Variants in PPA2 observed in about 807,000 individuals in gnomAD.
PPA2 encodes the protein inorganic pyrophosphatase 2, mitochondrial.
In PPA2, 48 loss-of-function variants were observed where a neutral mutation model predicts 49.5. The observed-to-expected ratio is 0.97, with a 90% CI of 0.77 to 1.23. The LOEUF (loss-of-function observed/expected upper bound fraction) is 1.23. PPA2 is among the 50% of genes most tolerant of loss of function. The probability of loss-of-function intolerance (pLI) is 0.00; values close to 1 mark genes in which losing one functional copy is unlikely to be tolerated. For missense variants in PPA2, 429 were observed against 410.1 expected, an observed-to-expected ratio of 1.05 and a Z score of -0.40; for synonymous variants, 131 against 139.9, an observed-to-expected ratio of 0.94 and a Z score of 0.45.
intron 8 of PPA2, among the ~76,000 whole-genome samples, chr4:105,397,288 C>A (rs73838082): frequency 0.014 from 2,091 of 152,178 alleles, 46 homozygotes; most frequent in African/African-American, 0.046. Flanking sequence ...CTCGGGTCTA[C>A]GATTGCCTGC....
At position 105,369,676 on chromosome 4, in the gene PPA2, G is replaced by GGGGAAAAA. The variant is rs1732945066; in HGVS notation, c.*48_*49insTTTTTCCC. ...ATAGACCCCCTTGTCTCTAGCACTTGGAGTCCTTAGAGATGGGAATCTTGA... is the reference window on the plus strand; with the variant it reads ...ATAGACCCCCTTGTCTCTAGCACTTGGGGAAAAAGAGTCCTTAGAGATGGGAATCTTGA... On this transcript the variant is annotated 3_prime_UTR_variant, in exon 12 of 12. Transcript: ENST00000341695. The GGGGAAAAA allele has an allele frequency of 1.3e-6, 2 of 1,524,940 alleles. No homozygotes were observed. The highest frequency in any genetic ancestry group is 1.8e-6 in the Non-Finnish European group (2 of 1,099,158). 94.5% of individuals were successfully genotyped at this position (1,524,940 alleles called of 1,614,324 possible).
chr4:105,381,203 ATGT>A (rs1733475436), intron 10 of PPA2, among the ~76,000 whole-genome samples: 1 of 152,066 alleles, frequency 6.6e-6, no homozygotes, highest in South Asian at 2.1e-4. Flanking sequence ...CCGTCTATTC[ATGT>A]TGTTTACACA....
intron 1 of PPA2, among the ~76,000 whole-genome samples, chr4:105,469,772 C>T (rs557378727): frequency 6.6e-6 from 1 of 152,234 alleles, no homozygotes; most frequent in South Asian, 2.1e-4. Context: ...CCATTGTGTT[C>T]CATTATATCA....
At chr4:105,374,297 C>A (rs573924597) in intron 10 of PPA2, among the ~76,000 whole-genome samples, 20 of 152,162 alleles carry the variant, frequency 1.3e-4, no homozygotes, top group African/African-American at 4.8e-4. Context: ...TGGTGGCTTA[C>A]GCCTGTAATC....
At chr4:105,449,927 A>T (rs1253910636) in intron 3 of PPA2, among the ~76,000 whole-genome samples, 1 of 152,234 alleles carries the variant, frequency 6.6e-6, no homozygotes, top group Non-Finnish European at 1.5e-5. Flanking sequence ...AAAATTCAGG[A>T]TGTAAGTACA....
intron 10 of PPA2, among the ~76,000 whole-genome samples, chr4:105,381,698 A>G (rs1733495926): frequency 6.6e-6 from 1 of 152,098 alleles, no homozygotes. Flanking sequence ...AATATGTCTT[A>G]TGCCTGTAGT....
At chr4:105,442,365 T>C (rs1275097541) in intron 5 of PPA2, among the ~76,000 whole-genome samples, 1 of 152,188 alleles carries the variant, frequency 6.6e-6, no homozygotes, top group Non-Finnish European at 1.5e-5. Context: ...CAAACAGGCC[T>C]AGAGAGATTT....
At position 105,436,019 on chromosome 4, in the gene PPA2, C is replaced by G. The variant is rs566216842; in HGVS notation, c.528+1931G>C. Among the ~76,000 whole-genome samples the G allele has an allele frequency of 2.6e-5, 4 of 152,174 alleles. No individual in the cohort carries two copies. In the South Asian group the frequency reaches 8.3e-4, roughly 32 times the overall value. On this transcript the variant is annotated intron_variant, in intron 6 of 11. Transcript: ENST00000341695. ...ATTGGAAAAGAGGAAGTCAAATGATCTCTGTTCACTAATGACATGATAGTG... is the reference window on the plus strand; with the variant it reads ...ATTGGAAAAGAGGAAGTCAAATGATGTCTGTTCACTAATGACATGATAGTG...
chr4:105,382,818 G>A (rs1011038522), intron 10 of PPA2, among the ~76,000 whole-genome samples: 10 of 151,956 alleles, frequency 6.6e-5, no homozygotes, highest in African/African-American at 2.2e-4. Context: ...GGGCAATATA[G>A]CAAAACTCCC....
chr4:105,424,850 T>C (rs1723421073), intron 6 of PPA2, among the ~76,000 whole-genome samples: 1 of 152,160 alleles, frequency 6.6e-6, no homozygotes, highest in African/African-American at 2.4e-5. Context: ...TACATAGGGG[T>C]TCCTTTGAGA....
chr4:105,461,235 C>T (rs77321794), intron 1 of PPA2, among the ~76,000 whole-genome samples: 2,737 of 152,278 alleles, frequency 0.018, 68 homozygotes, highest in African/African-American at 0.052. Flanking sequence ...AACCTGCAAG[C>T]ATGCTCAGTT....
At chr4:105,458,842 A>C (rs1165717747) in intron 1 of PPA2, among the ~76,000 whole-genome samples, 1 of 150,030 alleles carries the variant, frequency 6.7e-6, no homozygotes, top group Non-Finnish European at 1.5e-5. Flanking sequence ...AAAAAAAAAA[A>C]AAAGGCATGT....
chr4:105,428,670 G>A (rs193286296), intron 6 of PPA2, among the ~76,000 whole-genome samples: 96 of 152,066 alleles, frequency 6.3e-4, no homozygotes, highest in Non-Finnish European at 1.5e-5. Context: ...AGGCCTGTTG[G>A]GGGTGGGGGG....
intron 10 of PPA2, among the ~76,000 whole-genome samples, chr4:105,385,033 T>G (rs1337857394): frequency 6.6e-6 from 1 of 152,148 alleles, no homozygotes; most frequent in East Asian, 1.9e-4. Context: ...TCAGACATCC[T>G]CTTGCCTCAG....
intron 7 of PPA2, chr4:105,423,316 G>A (rs1004508628): frequency 1.3e-5 from 2 of 152,108 alleles, no homozygotes; most frequent in Non-Finnish European, 2.9e-5. Flanking sequence ...TGTTAATGAG[G>A]TTCAGTCATC....
At chr4:105,380,827 T>A (rs1016105261) in intron 10 of PPA2, among the ~76,000 whole-genome samples, 1 of 152,138 alleles carries the variant, frequency 6.6e-6, no homozygotes, top group Non-Finnish European at 1.5e-5. Context: ...CAGTCTCTTA[T>A]CAATAGACAT....
chr4:105,410,923 A>T (rs1722723681), intron 7 of PPA2, among the ~76,000 whole-genome samples: 1 of 152,220 alleles, frequency 6.6e-6, no homozygotes, highest in South Asian at 2.1e-4. Flanking sequence ...AGCACTAAAC[A>T]TGGAAAGGAA....
chr4:105,381,957 G>A (rs1363784781), intron 10 of PPA2, among the ~76,000 whole-genome samples: 2 of 151,918 alleles, frequency 1.3e-5, no homozygotes, highest in Non-Finnish European at 2.9e-5. Context: ...TTGTTGAGAA[G>A]ATTCAAACAA....
intron 10 of PPA2, among the ~76,000 whole-genome samples, chr4:105,371,125 G>C (rs1733009260): frequency 6.6e-6 from 1 of 152,090 alleles, no homozygotes; most frequent in African/African-American, 2.4e-5. Context: ...TCCACTGAAG[G>C]TCTTGCAGCT....
Sources: allele counts gnomAD v4.1 joint callset (sites outside exome capture counted in the v4.1 genomes callset), GRCh38; gene constraint gnomAD v4.1.1; transcripts MANE v1.5; gene names NCBI Gene and HGNC (gene_info 2026-07-23, HGNC 2026-07-21).